GRIN2A: variants seen among roughly 807,000 people sequenced by gnomAD.
GRIN2A encodes the protein glutamate ionotropic receptor NMDA type subunit 2A.
A neutral mutation model predicts 113.4 loss-of-function variants in GRIN2A; 22 were observed. That is an observed-to-expected ratio of 0.19 (90% confidence interval 0.14 to 0.28). The LOEUF is 0.28. Ranked by LOEUF, GRIN2A falls within the 10% of genes least tolerant of loss-of-function variation. The pLI, the probability that GRIN2A is intolerant of heterozygous loss-of-function variation, is 1.00. For missense variants in GRIN2A, 1,502 were observed against 1,887.0 expected (o/e 0.80, Z 3.78); for synonymous variants, 827 against 738.4 (o/e 1.12, Z -1.94).
At chr16:10,053,970 G>A (rs1319667213) in intron 2 of GRIN2A, among the ~76,000 whole-genome samples, 1 of 150,406 alleles carries the variant, frequency 6.6e-6, no homozygotes, top group Non-Finnish European at 1.5e-5. Flanking sequence ...TGGTGCAAAA[G>A]TAATCGTGGT....
intron 4 of GRIN2A, among the ~76,000 whole-genome samples, chr16:9,861,140 A>G (rs2043060450): frequency 6.6e-6 from 1 of 152,208 alleles, no homozygotes; most frequent in Non-Finnish European, 1.5e-5. Context: ...GGGTGGTTTC[A>G]TAACCATGGG....
intron 9 of GRIN2A, among the ~76,000 whole-genome samples, chr16:9,822,886 C>G (rs1191788293): frequency 6.6e-6 from 1 of 152,186 alleles, no homozygotes; most frequent in Admixed American, 6.5e-5. Flanking sequence ...TCTCTAAACT[C>G]CATTTATAAT....
intron 9 of GRIN2A, 45 bp from the exon 10 acceptor site, chr16:9,822,469 G>A: frequency 7.9e-7 from 1 of 1,270,030 alleles, no homozygotes; most frequent in Non-Finnish European, 1.2e-6. Context: ...GGAAAAGAAA[G>A]AGAAGGGAGG....
At chr16:10,112,733 C>T (rs957503983) in intron 2 of GRIN2A, 1 of 732,414 alleles carries the variant, frequency 1.4e-6, no homozygotes, top group African/African-American at 1.7e-5. Flanking sequence ...ACAAAGGGTC[C>T]ATTCAGAAGT....
intron 11 of GRIN2A, among the ~76,000 whole-genome samples, chr16:9,780,358 A>C (rs1403472484): frequency 6.6e-6 from 1 of 152,254 alleles, no homozygotes; most frequent in African/African-American, 2.4e-5. Flanking sequence ...CATCAGCAGC[A>C]AAATGGATAA....
intron 11 of GRIN2A, among the ~76,000 whole-genome samples, chr16:9,779,109 CT>C (rs1199712936): frequency 6.6e-6 from 1 of 152,200 alleles, no homozygotes; most frequent in African/African-American, 2.4e-5. Context: ...GTGCGGGTCA[CT>C]TTAAGTTTGC....
In GRIN2A at chr16:9,764,747, C is replaced by T. The variant is rs933322445; in HGVS notation, c.2797G>A (p.Asp933Asn). The stretch of plus-strand genomic sequence containing the variant: ...AAATTCCCCTTATCTGAAACCATGT[C>T]CATGATGAGGGAACCTCTTTGGATG... The part of the protein sequence containing the change: ...DFIQRGSLIM[D>N]MVSDKGNLMY... The change falls in exon 13 of 13, where the codon GAC (aspartate) becomes AAC (asparagine). Residue 933 changes from aspartate (D) to asparagine (N), a missense_variant. By Grantham distance (23) the Asp-to-Asn change is conservative. This residue lies in a region of GRIN2A where 832 missense variants were observed against 789.7 expected (regional missense o/e 1.05). Coordinates refer to ENST00000330684, the MANE Select transcript of GRIN2A (RefSeq NM_001134407.3). 1.9e-6 allele frequency: 3 copies of T among 1,614,192 alleles called. No individual in the cohort carries two copies. The highest frequency in any genetic ancestry group is 2.5e-6 in the Non-Finnish European group (3 of 1,180,000).
At chr16:9,889,199 T>C (rs539366555) in intron 4 of GRIN2A, among the ~76,000 whole-genome samples, 1 of 152,288 alleles carries the variant, frequency 6.6e-6, no homozygotes, top group South Asian at 2.1e-4. Context: ...GAAAATTGTG[T>C]TTCTTCAGAA....
intron 2 of GRIN2A, among the ~76,000 whole-genome samples, chr16:9,974,232 GCAGTTAGCCTGGTGCCTAGGAAC>G (rs1406408488): frequency 6.6e-6 from 1 of 152,112 alleles, no homozygotes; most frequent in Non-Finnish European, 1.5e-5. Context: ...GAAACTAAAG[GCAGTTAGCCTGGTGCCTAGGAAC>G]CAGACCCAAA....
intron 2 of GRIN2A, among the ~76,000 whole-genome samples, chr16:9,976,268 T>G (rs2045771833): frequency 6.6e-6 from 1 of 152,152 alleles, no homozygotes; most frequent in Non-Finnish European, 1.5e-5. Context: ...TGAGTCTGTG[T>G]TCTTTAACTG....
At chr16:9,895,553 C>T (rs1027990508) in intron 3 of GRIN2A, among the ~76,000 whole-genome samples, 2 of 152,134 alleles carry the variant, frequency 1.3e-5, no homozygotes, top group Non-Finnish European at 2.9e-5. Context: ...GATGGGCAAA[C>T]AGATGAGGCT....
In GRIN2A at chr16:10,059,651, C is replaced by A. The variant is rs561357859; in HGVS notation, c.414+120347G>T. 6.4e-4 allele frequency among the ~76,000 whole-genome samples: 95 copies of A among 148,140 alleles called. 2 individuals are homozygous for A. The highest frequency in any genetic ancestry group is 2.3e-3 in the African/African-American group (92 of 40,164). Reference sequence around the variant, plus strand: ...AGCGTCTTAAACAACAGAGGAAGGACTTTTGACTTTCTCCTGTAGCTAATG... The same window carrying A: ...AGCGTCTTAAACAACAGAGGAAGGAATTTTGACTTTCTCCTGTAGCTAATG... On this transcript the variant is annotated intron_variant, in intron 2 of 12. Coordinates refer to ENST00000330684, the MANE Select transcript of GRIN2A (RefSeq NM_001134407.3).
At chr16:10,043,859 G>A (rs982891751) in intron 2 of GRIN2A, among the ~76,000 whole-genome samples, 5 of 151,304 alleles carry the variant, frequency 3.3e-5, no homozygotes, top group Non-Finnish European at 7.4e-5. Context: ...CAATGGAAGG[G>A]GGCTGCAATA....
chr16:9,887,581 T>C (rs2043609136), intron 4 of GRIN2A, among the ~76,000 whole-genome samples: 1 of 152,270 alleles, frequency 6.6e-6, no homozygotes, highest in Non-Finnish European at 1.5e-5. Flanking sequence ...TCCTTGTTGA[T>C]GGACATTGAA....
intron 3 of GRIN2A, among the ~76,000 whole-genome samples, chr16:9,933,910 C>T (rs13331197): frequency 5.3e-5 from 8 of 152,246 alleles, no homozygotes; most frequent in South Asian, 2.1e-4. Context: ...CATTTTTGTA[C>T]GTTAGACAGA....
intron 3 of GRIN2A, among the ~76,000 whole-genome samples, chr16:9,927,650 A>G (rs2044494051): frequency 1.3e-5 from 2 of 152,230 alleles, no homozygotes; most frequent in Admixed American, 1.3e-4. Flanking sequence ...TAATATATTT[A>G]AACAGATTGA....
At chr16:10,034,773 C>T (rs1431047793) in intron 2 of GRIN2A, among the ~76,000 whole-genome samples, 1 of 152,066 alleles carries the variant, frequency 6.6e-6, no homozygotes, top group African/African-American at 2.4e-5. Flanking sequence ...GTGACCCCTC[C>T]ACTCATCTCA....
At chr16:10,073,320 G>T (rs77375941) in intron 2 of GRIN2A, among the ~76,000 whole-genome samples, 1 of 152,112 alleles carries the variant, frequency 6.6e-6, no homozygotes, top group East Asian at 1.9e-4. Context: ...TGCAGGCAAG[G>T]CCCATGGAAG....
intron 2 of GRIN2A, among the ~76,000 whole-genome samples, chr16:10,130,810 C>A (rs1567321182): frequency 6.6e-6 from 1 of 152,172 alleles, no homozygotes; most frequent in Non-Finnish European, 1.5e-5. Flanking sequence ...TCAAGCAGGT[C>A]CCCAGGAAAG....
Sources: allele counts gnomAD v4.1 joint callset (sites outside exome capture counted in the v4.1 genomes callset), GRCh38; gene constraint gnomAD v4.1.1; regional missense constraint gnomAD v4.1.1; transcripts MANE v1.5; gene names NCBI Gene and HGNC (gene_info 2026-07-23, HGNC 2026-07-21).